VAV3: variants seen among roughly 807,000 people sequenced by gnomAD.
VAV3 encodes the protein guanine nucleotide exchange factor VAV3.
A neutral mutation model predicts 131.2 loss-of-function variants in VAV3; 94 were observed. The observed-to-expected ratio is 0.72, with a 90% CI of 0.61 to 0.85. VAV3 has a LOEUF of 0.85. Ranked by LOEUF, VAV3 falls within the 40% of genes least tolerant of loss-of-function variation. The pLI, the probability that VAV3 is intolerant of heterozygous loss-of-function variation, is 0.00. For missense variants in VAV3, 939 were observed against 1,002.7 expected (o/e 0.94, Z 0.86); for synonymous variants, 349 against 342.0 (o/e 1.02, Z -0.22).
At chr1:107,737,893 G>C (rs1662763057) in intron 15 of VAV3, among the ~76,000 whole-genome samples, 1 of 152,158 alleles carries the variant, frequency 6.6e-6, no homozygotes, top group Non-Finnish European at 1.5e-5. Context: ...CTACTATAAA[G>C]ACACATGCCC....
Position 107,772,853 on chromosome 1 carries a change from A to C in VAV3, c.447-10T>G. On this transcript the variant is annotated splice_polypyrimidine_tract_variant and intron_variant, in intron 4 of 26. Transcript: ENST00000370056. ...TTCCACAAGGGTTTCACTACAACAA[A>C]GGATATCATATAAGGTCATTTTCTA... 6.2e-7 allele frequency: 1 copy of C among 1,607,470 alleles called. No individual in the cohort carries two copies. Among genetic ancestry groups the C allele is most frequent in the Non-Finnish European group, 8.5e-7 (1 of 1,175,242 alleles).
intron 1 of VAV3, among the ~76,000 whole-genome samples, chr1:107,954,764 T>TGGGGGCGGC (rs374683501): frequency 7.5e-6 from 1 of 133,068 alleles, no homozygotes; most frequent in East Asian, 2.1e-4. Flanking sequence ...GAAAATACCA[T>TGGGGGCGGC]GGGAGGGGGG....
chr1:107,955,970 G>A (rs1286350310), intron 1 of VAV3, among the ~76,000 whole-genome samples: 1 of 152,194 alleles, frequency 6.6e-6, no homozygotes, highest in African/African-American at 2.4e-5. Flanking sequence ...TCTCTACTCT[G>A]AAAATATATC....
chr1:107,826,565 T>A (rs1285662374), intron 2 of VAV3, among the ~76,000 whole-genome samples: 1 of 152,198 alleles, frequency 6.6e-6, no homozygotes, highest in African/African-American at 2.4e-5. Flanking sequence ...CATACTTTCA[T>A]TACTGCTCTA....
chr1:107,931,823 G>A (rs1246240940), intron 1 of VAV3, among the ~76,000 whole-genome samples: 1 of 152,092 alleles, frequency 6.6e-6, no homozygotes, highest in African/African-American at 2.4e-5. Context: ...CACAGATTTG[G>A]GGGTTTAGCA....
intron 17 of VAV3, among the ~76,000 whole-genome samples, chr1:107,692,076 C>A (rs781544503): frequency 1.8e-4 from 28 of 152,116 alleles, no homozygotes; most frequent in Non-Finnish European, 2.4e-4. Context: ...CCTATCTCAA[C>A]AGGGGCCACA....
intron 20 of VAV3, among the ~76,000 whole-genome samples, chr1:107,633,373 C>G (rs1654648896): frequency 6.6e-6 from 1 of 152,174 alleles, no homozygotes. Flanking sequence ...ATCTCAAACA[C>G]CACACTTTGC....
chr1:107,651,027 G>A (rs977300480), intron 19 of VAV3, among the ~76,000 whole-genome samples: 20 of 152,040 alleles, frequency 1.3e-4, no homozygotes, highest in African/African-American at 4.8e-4. Flanking sequence ...GAGGCAATTA[G>A]GCCACAAGGG....
intron 19 of VAV3, among the ~76,000 whole-genome samples, chr1:107,673,203 C>G (rs373818515): frequency 6.6e-6 from 1 of 152,142 alleles, no homozygotes; most frequent in Non-Finnish European, 1.5e-5. Context: ...GATTCAAGTG[C>G]GGCTAGGGTG....
chr1:107,601,620 A>AG (rs5776890), intron 24 of VAV3, among the ~76,000 whole-genome samples: 54,452 of 151,964 alleles, frequency 0.36, 10,091 homozygotes, highest in Middle Eastern at 0.42. Flanking sequence ...TCATTATCTC[A>AG]GAAACTACCA....
chr1:107,724,527 A>G (rs1661710714), intron 15 of VAV3, among the ~76,000 whole-genome samples: 1 of 152,210 alleles, frequency 6.6e-6, no homozygotes, highest in African/African-American at 2.4e-5. Flanking sequence ...TAGGATGAAG[A>G]TAGAGACATG....
intron 1 of VAV3, chr1:107,897,208 GAAC>G (rs1298674440): frequency 2.0e-5 from 3 of 151,332 alleles, no homozygotes; most frequent in Non-Finnish European, 4.4e-5. Flanking sequence ...AATATATATT[GAAC>G]AACTAAATTA....
chr1:107,699,130 T>G (rs1367000044), intron 17 of VAV3, among the ~76,000 whole-genome samples: 3 of 152,130 alleles, frequency 2.0e-5, no homozygotes, highest in Non-Finnish European at 4.4e-5. Flanking sequence ...AACTCAAAAG[T>G]CCACAGTTCA....
intron 2 of VAV3, among the ~76,000 whole-genome samples, chr1:107,813,556 C>T (rs1310214402): frequency 6.6e-6 from 1 of 152,086 alleles, no homozygotes; most frequent in Non-Finnish European, 1.5e-5. Flanking sequence ...ATGATCAAAC[C>T]ATGGTATTTA....
intron 1 of VAV3, among the ~76,000 whole-genome samples, chr1:107,962,072 G>T (rs1244810997): frequency 6.6e-6 from 1 of 152,152 alleles, no homozygotes; most frequent in Non-Finnish European, 1.5e-5. Flanking sequence ...TGTCACAAAA[G>T]TCAGAAGTGA....
chr1:107,895,787 G>T (rs12085158), intron 1 of VAV3, among the ~76,000 whole-genome samples: 33,970 of 152,030 alleles, frequency 0.22, 3,907 homozygotes, highest in African/African-American at 0.27. Context: ...AAATGAATTA[G>T]TTATAAATTT....
intron 6 of VAV3, 100 bp from the exon 7 acceptor site, chr1:107,768,609 T>C: frequency 2.0e-6 from 2 of 984,576 alleles, no homozygotes; most frequent in Non-Finnish European, 3.0e-6. Flanking sequence ...TGAAAGTCAA[T>C]TGTTGATCAG....
At chr1:107,637,972 C>A (rs1010604287) in intron 20 of VAV3, among the ~76,000 whole-genome samples, 2 of 152,152 alleles carry the variant, frequency 1.3e-5, no homozygotes, top group African/African-American at 4.8e-5. Flanking sequence ...ATCATCATTT[C>A]AATGGATGCA....
chr1:107,895,587 A>T (rs1224450239), intron 1 of VAV3, among the ~76,000 whole-genome samples: 1 of 152,168 alleles, frequency 6.6e-6, no homozygotes, highest in Non-Finnish European at 1.5e-5. Flanking sequence ...GCCTGGCTTC[A>T]CAGTTACTAA....
Sources: gnomAD v4.1 joint callset for allele counts (sites outside exome capture counted in the v4.1 genomes callset) on GRCh38, gnomAD v4.1.1 for gene constraint, MANE v1.5 for transcripts, NCBI Gene and HGNC (gene_info 2026-07-23, HGNC 2026-07-21) for gene names.